Variants in HTR1D observed in about 807,000 individuals in gnomAD.
HTR1D encodes the protein 5-hydroxytryptamine receptor 1D, also known as 5-HT-1D.
HTR1D carries 18 observed loss-of-function variants against 21.1 expected under a neutral mutation model. That is an observed-to-expected ratio of 0.85 (90% CI 0.59 to 1.27). The LOEUF (loss-of-function observed/expected upper bound fraction) is 1.27. HTR1D is among the 50% of genes most tolerant of loss of function. The pLI is 0.00. For missense variants in HTR1D, 456 were observed against 481.4 expected (o/e 0.95, Z 0.49); for synonymous variants, 196 against 204.4 (o/e 0.96, Z 0.35).
chr1:23,213,298 G>A (rs1644761039), intron 1 of HTR1D, among the ~76,000 whole-genome samples: 1 of 151,824 alleles, frequency 6.6e-6, no homozygotes, highest in Non-Finnish European at 1.5e-5. Context: ...TGGCCAACAT[G>A]GTGAAACCCC....
intron 1 of HTR1D, among the ~76,000 whole-genome samples, chr1:23,197,367 C>A (rs1324425895): frequency 6.6e-6 from 1 of 152,164 alleles, no homozygotes; most frequent in Non-Finnish European, 1.5e-5. Flanking sequence ...CATAATCTAG[C>A]TACCTTTGGA....
At chr1:23,196,089 C>T (rs993178247) in intron 1 of HTR1D, among the ~76,000 whole-genome samples, 1 of 152,030 alleles carries the variant, frequency 6.6e-6, no homozygotes, top group African/African-American at 2.4e-5. Flanking sequence ...GATCCTCCAG[C>T]CTTGACCTCC....
Position 23,217,082 on chromosome 1 carries a change from C to T in HTR1D, c.-783+209G>A, listed in dbSNP as rs1438249229. Among the ~76,000 whole-genome samples the T allele has an allele frequency of 6.6e-6, 1 of 151,992 alleles. No individual in the cohort carries two copies. Among genetic ancestry groups the T allele is most frequent in the Admixed American group, 6.5e-5 (1 of 15,272 alleles). On this transcript the variant is annotated intron_variant, in intron 1 of 1. Transcript: ENST00000374619. The surrounding 1 kb of genome is among the most constrained non-coding windows in gnomAD (Gnocchi z 4.6). The stretch of plus-strand genomic sequence containing the variant: ...GGGCGCTGCCTCAGTCCTCCCTTTT[C>T]TCCCGGGGCTCTGGACGGCCACCCC...
intron 1 of HTR1D, among the ~76,000 whole-genome samples, chr1:23,198,322 C>A (rs1199109114): frequency 2.7e-5 from 4 of 145,838 alleles, no homozygotes; most frequent in Non-Finnish European, 6.0e-5. Context: ...GCCGAGATCG[C>A]GCCACTGCAC....
intron 1 of HTR1D, among the ~76,000 whole-genome samples, chr1:23,203,880 C>T (rs1197225383): frequency 2.0e-5 from 3 of 152,146 alleles, no homozygotes; most frequent in Non-Finnish European, 4.4e-5. Flanking sequence ...CACAGTGGCT[C>T]ATACCTATAA....
chr1:23,206,185 A>G (rs61780168), intron 1 of HTR1D, among the ~76,000 whole-genome samples: 22,162 of 151,894 alleles, frequency 0.15, 1,989 homozygotes, highest in South Asian at 0.32. Flanking sequence ...GGGACTACAG[A>G]TGCCCACCAC....
At chr1:23,208,572 A>AAAAGAAAAAAAAAAGAAAG (rs1644740964) in intron 1 of HTR1D, among the ~76,000 whole-genome samples, 4 of 151,932 alleles carry the variant, frequency 2.6e-5, no homozygotes, top group African/African-American at 9.7e-5. Flanking sequence ...ACCCCATCTC[A>AAAAGAAAAAAAAAAGAAAG]AAAGAAAAAA....
At chr1:23,207,514 A>G (rs1644736428) in intron 1 of HTR1D, among the ~76,000 whole-genome samples, 1 of 152,230 alleles carries the variant, frequency 6.6e-6, no homozygotes, top group Non-Finnish European at 1.5e-5. Flanking sequence ...AGTGCTTCTA[A>G]GGTAAAACCA....
Position 23,193,032 on chromosome 1 carries a change from A to G in HTR1D, c.*54T>C. 5 of 1,187,000 alleles carry G rather than the reference A, an allele frequency of 4.2e-6. No individual in the cohort carries two copies. The South Asian group carries it at 6.3e-5, about 15-fold the overall frequency. The allele number at this position is 1,187,000 out of a possible 1,614,324, so 73.5% of individuals were successfully genotyped here. ...AAAATAATTAAAAAAAAAAAAGACA[A>G]TCCCGATGAGGTTACAGGACACAAA... On this transcript the variant is annotated 3_prime_UTR_variant, in exon 2 of 2. Transcript: ENST00000374619.
chr1:23,208,888 A>G (rs1193878335), intron 1 of HTR1D, among the ~76,000 whole-genome samples: 3 of 152,214 alleles, frequency 2.0e-5, no homozygotes, highest in African/African-American at 7.2e-5. Context: ...GGTTCAAAAA[A>G]AGAATGTAAA....
At chr1:23,208,583 A>AAAAG (rs1033427977) in intron 1 of HTR1D, among the ~76,000 whole-genome samples, 1 of 152,118 alleles carries the variant, frequency 6.6e-6, no homozygotes, top group Non-Finnish European at 1.5e-5. Context: ...AAAGAAAAAA[A>AAAAG]AAAGAAAGAA....
chr1:23,201,309 T>C (rs969046840), intron 1 of HTR1D, among the ~76,000 whole-genome samples: 1 of 151,864 alleles, frequency 6.6e-6, no homozygotes, highest in African/African-American at 2.4e-5. Flanking sequence ...AGCAGGTCTG[T>C]AGAGAGGGGC....
intron 1 of HTR1D, among the ~76,000 whole-genome samples, chr1:23,207,193 G>T (rs1296695431): frequency 6.6e-6 from 1 of 152,080 alleles, no homozygotes; most frequent in Non-Finnish European, 1.5e-5. Flanking sequence ...GAGGTCAGGA[G>T]TTCGAGACCA....
rs1227028639 is a variant in HTR1D at position 23,217,313 on chromosome 1, G to C, written c.-805C>G. ...TACCCGCTGCCCGGCGGGCAGGTGC[G>C]CACACCCGGCGTACCCGCCCGATCC... On this transcript the variant is annotated 5_prime_UTR_variant, in exon 1 of 2. Coordinates refer to ENST00000374619, the MANE Select transcript of HTR1D (RefSeq NM_000864.5). This position sits in a 1 kb window ranked among gnomAD's most constrained non-coding sequence, Gnocchi z 4.6. 6.6e-6 allele frequency among the ~76,000 whole-genome samples: 1 copy of C among 151,656 alleles called. No homozygotes were observed. Among genetic ancestry groups the C allele is most frequent in the African/African-American group, 2.4e-5 (1 of 41,336 alleles).
chr1:23,201,839 C>T (rs1644710297), intron 1 of HTR1D, among the ~76,000 whole-genome samples: 1 of 151,996 alleles, frequency 6.6e-6, no homozygotes, highest in African/African-American at 2.4e-5. Context: ...GAGGCTGAGC[C>T]ACTGTGCCCA....
chr1:23,200,375 C>T (rs1030194092), intron 1 of HTR1D, among the ~76,000 whole-genome samples: 10 of 152,350 alleles, frequency 6.6e-5, no homozygotes, highest in African/African-American at 1.9e-4. Context: ...ATTCCTACTG[C>T]TTCGCTTTCT....
Position 23,193,562 on chromosome 1 carries a change from T to TGATG in HTR1D, c.657_658insCATC (p.Ile220HisfsTer44). ...ATGCGGTTCCGGGCAGCCCGGTAGA[T>TGATG]CCGGCCATATAGGATGATGAGCAAC... is the stretch of plus-strand genomic sequence containing the variant. On this transcript the variant is annotated frameshift_variant, in exon 2 of 2. Coordinates refer to ENST00000374619, the MANE Select transcript of HTR1D (RefSeq NM_000864.5). LOFTEE classifies it high-confidence loss of function. The TGATG allele has an allele frequency of 6.2e-7, 1 of 1,613,912 alleles. No homozygotes were observed. Among genetic ancestry groups the TGATG allele is most frequent in the Non-Finnish European group, 8.5e-7 (1 of 1,179,922 alleles).
Position 23,194,233 on chromosome 1 carries a change from C to G in HTR1D, c.-14G>C. ...CAGTGGGGACATGCTAGGTGGCTCT[C>G]TCTTCCCACAGACCTCCACACATTT... On this transcript the variant is annotated 5_prime_UTR_variant, in exon 2 of 2. Coordinates refer to ENST00000374619, the MANE Select transcript of HTR1D (RefSeq NM_000864.5). The G allele has an allele frequency of 6.2e-7, 1 of 1,604,238 alleles. No individual in the cohort carries two copies. The highest frequency in any genetic ancestry group is 8.5e-7 in the Non-Finnish European group (1 of 1,175,402).
At chr1:23,214,936 G>A (rs1307471427) in intron 1 of HTR1D, among the ~76,000 whole-genome samples, 1 of 152,198 alleles carries the variant, frequency 6.6e-6, no homozygotes, top group Admixed American at 6.5e-5. Flanking sequence ...ATCACCCAGA[G>A]AGAGTGTCTA....
Sources: gnomAD v4.1 joint callset for allele counts (sites outside exome capture counted in the v4.1 genomes callset) on GRCh38, gnomAD v4.1.1 for gene constraint, Gnocchi (gnomAD v3.1) non-coding constraint, MANE v1.5 for transcripts, NCBI Gene and HGNC (gene_info 2026-07-23, HGNC 2026-07-21) for gene names.